TOGARAM1: variants seen among roughly 807,000 people sequenced by gnomAD.
TOGARAM1 encodes TOG array regulator of axonemal microtubules protein 1.
A neutral mutation model predicts 166.6 loss-of-function variants in TOGARAM1; 100 were observed. The observed-to-expected ratio is 0.60, with a 90% CI of 0.51 to 0.71. The LOEUF is 0.71. Among genes scored for constraint, TOGARAM1 ranks in the 30% least tolerant of loss-of-function variants. The pLI is 0.00. For synonymous variants in TOGARAM1, 758 were observed against 763.8 expected (o/e 0.99, Z 0.13); for missense variants, 2,029 against 2,102.7 (o/e 0.96, Z 0.69).
chr14:45,011,914 A>T, intron 6 of TOGARAM1, 61 bp from the exon 7 acceptor site: 1 of 1,121,156 alleles, frequency 8.9e-7, no homozygotes, highest in South Asian at 1.5e-5. Flanking sequence ...ACAATATGTG[A>T]TGTGAGTATT....
chr14:45,015,088 G>A (rs894632775), intron 7 of TOGARAM1, among the ~76,000 whole-genome samples: 4 of 152,082 alleles, frequency 2.6e-5, no homozygotes, highest in Non-Finnish European at 2.9e-5. Flanking sequence ...TGAATCACTT[G>A]AGCCCGAGAG....
At chr14:45,063,794 T>C (rs1883015682) in intron 16 of TOGARAM1, among the ~76,000 whole-genome samples, 1 of 152,146 alleles carries the variant, frequency 6.6e-6, no homozygotes, top group Admixed American at 6.6e-5. Flanking sequence ...AAGATTCTTC[T>C]GGACCAAACT....
At chr14:45,029,035 T>A (rs1333792759) in intron 10 of TOGARAM1, among the ~76,000 whole-genome samples, 1 of 152,198 alleles carries the variant, frequency 6.6e-6, no homozygotes, top group Admixed American at 6.5e-5. Context: ...AGATTTAACC[T>A]AAATTAATGT....
intron 10 of TOGARAM1, among the ~76,000 whole-genome samples, chr14:45,031,163 G>T (rs1232028483): frequency 6.6e-6 from 1 of 152,070 alleles, no homozygotes; most frequent in East Asian, 1.9e-4. Context: ...AACAATTTTT[G>T]ATGATAGTTT....
intron 5 of TOGARAM1, 151 bp from the exon 6 acceptor site, chr14:45,008,762 T>C (rs751177458): frequency 2.8e-4 from 162 of 574,280 alleles, no homozygotes; most frequent in Admixed American, 5.6e-4. Context: ...GTATTGATAC[T>C]ATATACATAT....
rs570507930 is a variant in TOGARAM1 at position 45,046,618 on chromosome 14, C to A, written c.4228C>A (p.Arg1410Ser). ...SDVLEFMEPE[R>S]ILSAAKDMAE... ...TGTATTGGAATTTATGGAACCAGAA[C>A]GTATTTTATCTGCAGCAAAGGATAT... The change falls in exon 14 of 20, where the codon CGT (arginine) becomes AGT (serine). Residue 1410 changes from arginine to serine, a missense_variant. Arg to Ser is a moderately radical substitution (Grantham distance 110, BLOSUM62 -1). Around this residue, in one of 2 missense-constraint regions of TOGARAM1, gnomAD observed 576 missense variants for 670.5 expected, o/e 0.86. Transcript: ENST00000361462. 3 of 1,418,668 alleles carry A rather than the reference C, an allele frequency of 2.1e-6. No individual in the cohort carries two copies. The highest frequency in any genetic ancestry group is 2.8e-6 in the Non-Finnish European group (3 of 1,079,286). 87.9% of individuals were successfully genotyped at this position (1,418,668 alleles called of 1,614,324 possible).
intron 1 of TOGARAM1, among the ~76,000 whole-genome samples, chr14:44,984,035 C>T (rs530666100): frequency 6.6e-6 from 1 of 152,098 alleles, no homozygotes; most frequent in South Asian, 2.1e-4. Context: ...ATTTGGAGAA[C>T]AATAAGAATA....
chr14:44,995,970 A>G (rs1408851537), intron 2 of TOGARAM1, 68 bp downstream of exon 2: 2 of 1,335,466 alleles, frequency 1.5e-6, no homozygotes, highest in Non-Finnish European at 2.0e-6. Context: ...TAGTGCATTC[A>G]ATGACTCATA....
At chr14:44,981,445 A>G (rs72672908) in intron 1 of TOGARAM1, among the ~76,000 whole-genome samples, 386 of 152,312 alleles carry the variant, frequency 2.5e-3, no homozygotes, top group Admixed American at 4.4e-3. Context: ...TTTTAGAATC[A>G]AAGTGGTGAG....
chr14:44,981,094 C>A (rs1886505417), intron 1 of TOGARAM1, among the ~76,000 whole-genome samples: 1 of 151,780 alleles, frequency 6.6e-6, no homozygotes. Flanking sequence ...CATCATAGGT[C>A]CATGAAGAGA....
At chr14:45,059,383 TG>T (rs777211093) in intron 16 of TOGARAM1, among the ~76,000 whole-genome samples, 8 of 152,212 alleles carry the variant, frequency 5.3e-5, no homozygotes, top group Non-Finnish European at 1.0e-4. Context: ...TGCAGTGGTA[TG>T]CACCTGTAAT....
chr14:44,999,568 TATG>T, intron 3 of TOGARAM1, 71 bp downstream of exon 3: 1 of 1,328,430 alleles, frequency 7.5e-7, no homozygotes, highest in South Asian at 1.8e-5. Context: ...CACTAACTTA[TATG>T]ATATTTTGTG....
At chr14:45,003,268 G>A (rs892819859) in intron 3 of TOGARAM1, among the ~76,000 whole-genome samples, 8 of 151,904 alleles carry the variant, frequency 5.3e-5, no homozygotes, top group Admixed American at 3.9e-4. Context: ...ATATACGTAC[G>A]CTAGGTATTT....
chr14:45,042,118 A>G (rs951004337), intron 11 of TOGARAM1: 6 of 152,116 alleles, frequency 3.9e-5, no homozygotes, highest in African/African-American at 1.4e-4. Flanking sequence ...CCAATTACCT[A>G]CTGCAGTCTC....
intron 10 of TOGARAM1, among the ~76,000 whole-genome samples, chr14:45,030,184 A>G (rs1204855579): frequency 6.6e-6 from 1 of 152,172 alleles, no homozygotes; most frequent in African/African-American, 2.4e-5. Flanking sequence ...TTGATATTCT[A>G]TACACCTCCT....
intron 1 of TOGARAM1, among the ~76,000 whole-genome samples, chr14:44,993,404 T>TA (rs1211841952): frequency 1.3e-5 from 2 of 152,214 alleles, no homozygotes; most frequent in African/African-American, 4.8e-5. Context: ...TATAATGTTT[T>TA]AATTTACTAT....
At chr14:45,045,595 GTGTGTGTGTGTGTGTGTGTGTGTA>G (rs1187449139) in intron 13 of TOGARAM1, among the ~76,000 whole-genome samples, 7 of 67,080 alleles carry the variant, frequency 1.0e-4, no homozygotes, top group African/African-American at 6.4e-4. Flanking sequence ...GTGTGTGTGT[GTGTGTGTGTGTGTGTGTGTGTGTA>G]TATATATGTA....
intron 11 of TOGARAM1, among the ~76,000 whole-genome samples, chr14:45,039,873 G>A (rs763421067): frequency 2.6e-5 from 4 of 152,048 alleles, no homozygotes; most frequent in African/African-American, 4.8e-5. Flanking sequence ...CCTGGCTCCC[G>A]CTGGCTCCAG....
At chr14:45,047,207 T>A (rs1882108779) in intron 14 of TOGARAM1, among the ~76,000 whole-genome samples, 1 of 151,636 alleles carries the variant, frequency 6.6e-6, no homozygotes, top group Admixed American at 6.6e-5. Context: ...CTGGCCAACA[T>A]GGTGAAACCC....
Sources: allele counts gnomAD v4.1 joint callset (sites outside exome capture counted in the v4.1 genomes callset), GRCh38; gene constraint gnomAD v4.1.1; regional missense constraint gnomAD v4.1.1; transcripts MANE v1.5; gene names NCBI Gene and HGNC (gene_info 2026-07-23, HGNC 2026-07-21).